Variants in PKHD1 observed in about 807,000 individuals in gnomAD.
The protein encoded by PKHD1 is PKHD1 ciliary IPT domain containing fibrocystin/polyductin.
Under a neutral mutation model 412.0 loss-of-function variants are expected in PKHD1, and 291 were observed. The observed-to-expected ratio is 0.71, with a 90% confidence interval of 0.64 to 0.78. The LOEUF (loss-of-function observed/expected upper bound fraction) is 0.78, where lower values mean the gene tolerates loss of function less well. Ranked by LOEUF, PKHD1 falls within the 30% of genes least tolerant of loss-of-function variation. PKHD1 has a pLI of 0.00. For synonymous variants in PKHD1, 1,777 were observed against 1,821.5 expected (o/e 0.98, Z 0.62); for missense variants, 4,825 against 4,950.7 (o/e 0.97, Z 0.76).
At chr6:51,891,480 T>C (rs1779112552) in intron 43 of PKHD1, among the ~76,000 whole-genome samples, 1 of 152,062 alleles carries the variant, frequency 6.6e-6, no homozygotes, top group South Asian at 2.1e-4. Context: ...GGTTTCTCCA[T>C]GTTGGTCAAG....
At chr6:51,634,159 A>C (rs1335418362) in intron 64 of PKHD1, among the ~76,000 whole-genome samples, 2 of 152,168 alleles carry the variant, frequency 1.3e-5, no homozygotes, top group Non-Finnish European at 2.9e-5. Flanking sequence ...GCTTTCATCC[A>C]CATAACTCAG....
At chr6:51,957,108 G>T (rs936588317) in intron 36 of PKHD1, among the ~76,000 whole-genome samples, 1 of 152,068 alleles carries the variant, frequency 6.6e-6, no homozygotes, top group African/African-American at 2.4e-5. Flanking sequence ...GAGGTGGGTG[G>T]TTGAATGCCT....
At chr6:51,946,933 GT>G (rs1789539411) in intron 36 of PKHD1, among the ~76,000 whole-genome samples, 1 of 152,054 alleles carries the variant, frequency 6.6e-6, no homozygotes. Flanking sequence ...AAAATAATTT[GT>G]TGTTTTTTTT....
Position 51,616,000 on chromosome 6 carries a change from C to T in PKHD1, c.*3081G>A, listed in dbSNP as rs1766029734. 1 of 151,506 alleles carries T rather than the reference C, an allele frequency of 6.6e-6. No individual in the cohort carries two copies. Among genetic ancestry groups the T allele is most frequent in the African/African-American group, 2.4e-5 (1 of 41,166 alleles). 9.4% of individuals were successfully genotyped at this position (151,506 alleles called of 1,614,324 possible). ...AAGCATGGAGAAATGGTCAAAACAACCGTGGCTCCATATATACTTCTTTCT... is the reference window on the plus strand; with the variant it reads ...AAGCATGGAGAAATGGTCAAAACAATCGTGGCTCCATATATACTTCTTTCT... On this transcript the variant is annotated 3_prime_UTR_variant, in exon 67 of 67. Transcript: ENST00000371117.
rs375603741 is a variant in PKHD1, at chr6:52,050,171, C to T, written c.2265G>A (p.Pro755=). 101 of 1,614,116 alleles carry T rather than the reference C, an allele frequency of 6.3e-5. No homozygotes were observed. The highest frequency in any genetic ancestry group is 3.3e-4 in the Middle Eastern group (2 of 6,014). The change falls in exon 22 of 67, where the codon CCG becomes CCA. Residue 755 remains proline (P), a synonymous_variant. Transcript: ENST00000371117. ...CCACTCCTTACCGTGCAGTGATGAG[C>T]GGGAGCTCCGTGCCACACCCCGCCA... ...SWLAGCGTEL[P]LITARSVPTE...
intron 58 of PKHD1, among the ~76,000 whole-genome samples, chr6:51,747,235 A>G (rs892072553): frequency 6.6e-6 from 1 of 152,218 alleles, no homozygotes; most frequent in Non-Finnish European, 1.5e-5. Flanking sequence ...GGTACAAGAG[A>G]TCTAATAGAA....
At chr6:51,648,281 AT>A (rs1308259740) in intron 62 of PKHD1, among the ~76,000 whole-genome samples, 163 bp from the exon 63 acceptor site, 1 of 152,226 alleles carries the variant, frequency 6.6e-6, no homozygotes, top group Non-Finnish European at 1.5e-5. Context: ...TGTTAAGAAT[AT>A]ATCAGAATTA....
Position 51,643,466 on chromosome 6 carries a change from A to G in PKHD1, c.11399-4510T>C, listed in dbSNP as rs606922. On this transcript the variant is annotated intron_variant, in intron 63 of 66. Coordinates refer to ENST00000371117, the MANE Select transcript of PKHD1 (RefSeq NM_138694.4). ...TGTTACTTTCAACAAATTGAACAAAAGATAGATTGTGTAAGTAGAAGGGAA... is the reference window on the plus strand; with the variant it reads ...TGTTACTTTCAACAAATTGAACAAAGGATAGATTGTGTAAGTAGAAGGGAA... 7.9e-3 allele frequency among the ~76,000 whole-genome samples: 1,197 copies of G among 152,282 alleles called. 13 individuals are homozygous for G. The highest frequency in any genetic ancestry group is 0.027 in the African/African-American group (1,121 of 41,532).
chr6:51,682,026 T>C (rs1018308947), intron 60 of PKHD1, among the ~76,000 whole-genome samples: 2 of 152,048 alleles, frequency 1.3e-5, no homozygotes, highest in South Asian at 2.1e-4. Context: ...CAACCAAAGA[T>C]GGACAAGAAG....
intron 35 of PKHD1, among the ~76,000 whole-genome samples, chr6:52,007,386 T>C (rs867011308): frequency 7.2e-5 from 11 of 152,304 alleles, no homozygotes; most frequent in Middle Eastern, 3.4e-3. Context: ...GGGACCTGGA[T>C]TGTAGTCCTG....
intron 50 of PKHD1, among the ~76,000 whole-genome samples, chr6:51,841,089 T>C (rs970487441): frequency 6.6e-6 from 1 of 152,190 alleles, no homozygotes; most frequent in African/African-American, 2.4e-5. Context: ...TACTAAAATA[T>C]CTAAAGTTCA....
At chr6:51,762,534 A>G (rs12665434) in intron 55 of PKHD1, among the ~76,000 whole-genome samples, 48,574 of 151,920 alleles carry the variant, frequency 0.32, 9,645 homozygotes, top group East Asian at 0.69. Flanking sequence ...ATAAAAGAAA[A>G]TAATTTTTCT....
chr6:52,051,710 T>C (rs1806869119), intron 21 of PKHD1, among the ~76,000 whole-genome samples: 1 of 152,176 alleles, frequency 6.6e-6, no homozygotes, highest in Admixed American at 6.5e-5. Context: ...AAAAGAAAAC[T>C]GAACAGCACC....
At chr6:51,667,484 A>C (rs1252223901) in intron 60 of PKHD1, among the ~76,000 whole-genome samples, 3 of 148,836 alleles carry the variant, frequency 2.0e-5, no homozygotes, top group Non-Finnish European at 4.5e-5. Flanking sequence ...ATTTTCTCCC[A>C]TTTTGTAGGT....
chr6:51,887,888 A>T (rs980498307), intron 43 of PKHD1, among the ~76,000 whole-genome samples: 5 of 152,216 alleles, frequency 3.3e-5, no homozygotes, highest in Non-Finnish European at 5.9e-5. Flanking sequence ...GCTCAACTAG[A>T]CTGCAATTTG....
intron 50 of PKHD1, among the ~76,000 whole-genome samples, chr6:51,840,272 C>T (rs1220600026): frequency 2.0e-5 from 3 of 152,078 alleles, no homozygotes; most frequent in African/African-American, 4.8e-5. Context: ...GAGGCAGCCA[C>T]GGAAGGCATC....
At chr6:51,973,913 C>T (rs144316615) in intron 35 of PKHD1, among the ~76,000 whole-genome samples, 1 of 152,260 alleles carries the variant, frequency 6.6e-6, no homozygotes, top group Non-Finnish European at 1.5e-5. Flanking sequence ...TCCAATATCT[C>T]ATTTTATAAA....
Position 51,925,459 on chromosome 6 carries a change from G to GTGTA in PKHD1, c.6121+8650_6121+8651insTACA, listed in dbSNP as rs1554140297. 3.6e-3 allele frequency among the ~76,000 whole-genome samples: 487 copies of GTGTA among 136,466 alleles called. 3 individuals are homozygous for GTGTA. Among genetic ancestry groups the GTGTA allele is most frequent in the African/African-American group, 0.014 (473 of 34,832 alleles). The allele number at this position is 136,466 out of a possible 152,430, so 89.5% of individuals were successfully genotyped here. ...TCTTCGTGTGTGTGTGTGTGTATGT[G>GTGTA]TGTGTGTGTGTGTGTGTGTGTAGGT... On this transcript the variant is annotated intron_variant, in intron 37 of 66. Coordinates refer to ENST00000371117, the MANE Select transcript of PKHD1 (RefSeq NM_138694.4).
intron 49 of PKHD1, among the ~76,000 whole-genome samples, chr6:51,850,727 T>G (rs760966825): frequency 1.3e-5 from 2 of 152,156 alleles, no homozygotes; most frequent in African/African-American, 4.8e-5. Flanking sequence ...TGCTTGTGAT[T>G]TTTGAACATT....
Sources: gnomAD v4.1 joint callset for allele counts (sites outside exome capture counted in the v4.1 genomes callset) on GRCh38, gnomAD v4.1.1 for gene constraint, MANE v1.5 for transcripts, NCBI Gene and HGNC (gene_info 2026-07-23, HGNC 2026-07-21) for gene names.